Variants in THSD7A observed in about 807,000 individuals in gnomAD.
THSD7A encodes thrombospondin type-1 domain-containing protein 7A.
THSD7A carries 96 observed loss-of-function variants against 231.3 expected under a neutral mutation model. That is an observed-to-expected ratio of 0.41 (90% CI 0.35 to 0.49). THSD7A has a LOEUF of 0.49. Ranked by LOEUF, THSD7A falls within the 20% of genes least tolerant of loss-of-function variation. THSD7A has a pLI of 0.05. For synonymous variants in THSD7A, 940 were observed against 743.3 expected, an observed-to-expected ratio of 1.26 and a Z score of -4.30; for missense variants, 2,290 against 2,070.2, an observed-to-expected ratio of 1.11 and a Z score of -2.06.
chr7:11,824,797 T>C (rs1288332712), intron 1 of THSD7A, among the ~76,000 whole-genome samples: 1 of 152,126 alleles, frequency 6.6e-6, no homozygotes, highest in Non-Finnish European at 1.5e-5. Flanking sequence ...CAAAGCAATG[T>C]ATAAAATACA....
intron 2 of THSD7A, among the ~76,000 whole-genome samples, chr7:11,608,600 T>TAATCATAA (rs1780814778): frequency 6.6e-6 from 1 of 152,128 alleles, no homozygotes; most frequent in South Asian, 2.1e-4. Context: ...ATATAGAACC[T>TAATCATAA]AATCATAAAA....
intron 1 of THSD7A, among the ~76,000 whole-genome samples, chr7:11,690,398 T>C (rs1780195833): frequency 6.6e-6 from 1 of 151,806 alleles, no homozygotes; most frequent in Non-Finnish European, 1.5e-5. Flanking sequence ...TGCTCAGTTA[T>C]CTCTCTTTTT....
intron 1 of THSD7A, among the ~76,000 whole-genome samples, chr7:11,787,676 A>G (rs895305284): frequency 2.0e-5 from 3 of 152,084 alleles, no homozygotes; most frequent in Non-Finnish European, 4.4e-5. Flanking sequence ...CTATGTCACT[A>G]GGGAACTGCA....
intron 1 of THSD7A, among the ~76,000 whole-genome samples, chr7:11,704,063 C>T (rs1780687205): frequency 6.6e-6 from 1 of 151,170 alleles, no homozygotes; most frequent in African/African-American, 2.4e-5. Flanking sequence ...TAATGCTATA[C>T]ACAGAGTAAG....
Position 11,484,874 on chromosome 7 carries a change from A to ATT in THSD7A, c.1823-2894_1823-2893dup, listed in dbSNP as rs56353626. On this transcript the variant is annotated intron_variant, in intron 6 of 27. Coordinates refer to ENST00000423059, the MANE Select transcript of THSD7A (RefSeq NM_015204.3). ...CTCAACCCACTGAATCACAACCTTA[A>ATT]TTTTTTTTTTTTTTTTTTTTTTTTT... 8.8e-3 allele frequency among the ~76,000 whole-genome samples: 475 copies of ATT among 53,742 alleles called. 54 individuals carry two copies. The highest frequency in any genetic ancestry group is 0.018 in the African/African-American group (234 of 13,320). 35.3% of individuals were successfully genotyped at this position (53,742 alleles called of 152,430 possible).
chr7:11,480,745 C>A (rs1037583951), intron 7 of THSD7A, among the ~76,000 whole-genome samples: 1 of 152,054 alleles, frequency 6.6e-6, no homozygotes, highest in Non-Finnish European at 1.5e-5. Context: ...ACAGTTGTTA[C>A]ACACACAGAT....
intron 16 of THSD7A, among the ~76,000 whole-genome samples, chr7:11,422,998 G>A (rs1056696482): frequency 6.6e-6 from 1 of 151,836 alleles, no homozygotes; most frequent in South Asian, 2.1e-4. Flanking sequence ...AAATTCTTAA[G>A]GTAATATTTT....
At chr7:11,688,901 C>T (rs1474651547) in intron 1 of THSD7A, among the ~76,000 whole-genome samples, 1 of 151,584 alleles carries the variant, frequency 6.6e-6, no homozygotes, top group Non-Finnish European at 1.5e-5. Context: ...AAAGTTTAAG[C>T]TATAAAGAAG....
chr7:11,623,700 C>T (rs1043645639), intron 2 of THSD7A, among the ~76,000 whole-genome samples: 6 of 152,048 alleles, frequency 3.9e-5, no homozygotes, highest in Admixed American at 3.3e-4. Flanking sequence ...AAACCTAGAA[C>T]ATGTAGAGTT....
chr7:11,413,454 C>G (rs1783855925), intron 17 of THSD7A, among the ~76,000 whole-genome samples: 2 of 151,986 alleles, frequency 1.3e-5, no homozygotes, highest in South Asian at 2.1e-4. Context: ...CACTCTGCAC[C>G]TGATCAACCA....
In THSD7A at chr7:11,435,497, C is replaced by A. The variant is rs143796915; in HGVS notation, c.3065-6372G>T. The stretch of plus-strand genomic sequence containing the variant: ...AGAGAGATTGCATTTAACCACATGG[C>A]CAATGATTCTTCAGTCATGCCTATA... On this transcript the variant is annotated intron_variant, in intron 13 of 27. Transcript: ENST00000423059. 3.0e-3 allele frequency among the ~76,000 whole-genome samples: 451 copies of A among 152,136 alleles called. 3 individuals are homozygous for A. Among genetic ancestry groups the A allele is most frequent in the African/African-American group, 0.011 (440 of 41,542 alleles).
chr7:11,820,710 A>G, intron 1 of THSD7A: 3 of 971,386 alleles, frequency 3.1e-6, no homozygotes, highest in Non-Finnish European at 5.0e-6. Context: ...AAGCCCGTGG[A>G]GCTCTCCTCT....
At chr7:11,764,553 G>C (rs918483778) in intron 1 of THSD7A, among the ~76,000 whole-genome samples, 3 of 120,302 alleles carry the variant, frequency 2.5e-5, no homozygotes, top group African/African-American at 9.8e-5. Flanking sequence ...CTGGGTGAAA[G>C]AACGAGACTC....
chr7:11,593,112 A>C (rs893710736), intron 3 of THSD7A, 142 bp downstream of exon 3: 327 of 1,173,534 alleles, frequency 2.8e-4, no homozygotes, highest in Admixed American at 3.9e-4. Context: ...ATTCTGTAAA[A>C]AAAGTTTTTT....
intron 23 of THSD7A, chr7:11,384,740 G>GAGTA (rs1297860337): frequency 1.3e-5 from 2 of 151,842 alleles, no homozygotes; most frequent in African/African-American, 2.4e-5. Context: ...TGATGCTTTA[G>GAGTA]AGTAAGTCTT....
intron 1 of THSD7A, among the ~76,000 whole-genome samples, chr7:11,641,147 T>C (rs941960906): frequency 3.9e-5 from 6 of 152,180 alleles, no homozygotes; most frequent in Non-Finnish European, 4.4e-5. Context: ...ATGTTCCTCA[T>C]TGAATACCAG....
chr7:11,393,058 C>T (rs111248368), intron 23 of THSD7A, among the ~76,000 whole-genome samples: 2,833 of 152,246 alleles, frequency 0.019, 98 homozygotes, highest in African/African-American at 0.064. Context: ...TACTCTCTCC[C>T]GAAGTGGGTC....
chr7:11,508,833 G>A (rs1207753313), intron 6 of THSD7A, among the ~76,000 whole-genome samples: 3 of 152,294 alleles, frequency 2.0e-5, no homozygotes, highest in South Asian at 2.1e-4. Context: ...AGTGAAATAA[G>A]CCAGTCACAG....
intron 1 of THSD7A, among the ~76,000 whole-genome samples, chr7:11,767,072 T>A (rs1454904528): frequency 6.6e-6 from 1 of 152,180 alleles, no homozygotes; most frequent in African/African-American, 2.4e-5. Context: ...TGTGGGTGTG[T>A]GTACATGCAT....
Sources: gnomAD v4.1 joint callset for allele counts (sites outside exome capture counted in the v4.1 genomes callset) on GRCh38, gnomAD v4.1.1 for gene constraint, MANE v1.5 for transcripts, NCBI Gene and HGNC (gene_info 2026-07-23, HGNC 2026-07-21) for gene names.